U2SURP: variants seen among roughly 807,000 people sequenced by gnomAD.
U2SURP encodes U2 snRNP associated SURP domain containing, also known as U2 snRNP-associated SURP motif-containing protein.
U2SURP carries 9 observed loss-of-function variants against 144.9 expected under a neutral mutation model. The ratio of observed to expected loss-of-function variants is 0.06; its 90% CI spans 0.04 to 0.11. The LOEUF (loss-of-function observed/expected upper bound fraction) is 0.11, where lower values mean the gene tolerates loss of function less well. Ranked by LOEUF, U2SURP falls within the 10% of genes least tolerant of loss-of-function variation. U2SURP has a pLI of 1.00. For missense variants in U2SURP, 724 were observed against 1,226.7 expected (o/e 0.59, Z 6.12); for synonymous variants, 408 against 396.8 (o/e 1.03, Z -0.33).
chr3:143,050,176 C>G (rs577382984), intron 24 of U2SURP, among the ~76,000 whole-genome samples: 1 of 152,164 alleles, frequency 6.6e-6, no homozygotes, highest in Non-Finnish European at 1.5e-5. Flanking sequence ...CGGGTTCAAG[C>G]GATTCTCCTG....
At chr3:143,016,777 TTAAA>T in intron 5 of U2SURP, 61 bp from the exon 6 acceptor site, 1 of 1,372,358 alleles carries the variant, frequency 7.3e-7, no homozygotes, top group Non-Finnish European at 9.6e-7. Context: ...TTACTTGTTT[TTAAA>T]TAAAACAGTA....
At chr3:143,046,286 GTTTAT>G (rs1331652813) in intron 24 of U2SURP, among the ~76,000 whole-genome samples, 3 of 72,506 alleles carry the variant, frequency 4.1e-5, no homozygotes, top group Non-Finnish European at 7.4e-5. Flanking sequence ...TTTTTTTTTA[GTTTAT>G]TTTTTATTTT....
chr3:143,018,468 G>A (rs1411003134), intron 6 of U2SURP, among the ~76,000 whole-genome samples: 1 of 151,964 alleles, frequency 6.6e-6, no homozygotes. Context: ...CATTTGGATT[G>A]TTTCCACTTT....
chr3:143,036,572 T>A (rs1246510351), intron 20 of U2SURP, among the ~76,000 whole-genome samples: 4 of 152,220 alleles, frequency 2.6e-5, no homozygotes, highest in Non-Finnish European at 4.4e-5. Flanking sequence ...CAAGCTATTA[T>A]GTTTTCACTT....
At chr3:143,027,100 T>TA in intron 13 of U2SURP, 49 bp from the exon 14 acceptor site, 1 of 1,370,398 alleles carries the variant, frequency 7.3e-7, no homozygotes, top group South Asian at 1.2e-5. Context: ...TGTAGTTTTA[T>TA]ATAGTGGTAG....
At position 143,038,929 on chromosome 3, in the gene U2SURP, C is replaced by T; in HGVS notation, c.2353C>T (p.His785Tyr). 1 of 1,543,264 alleles carries T rather than the reference C, an allele frequency of 6.5e-7. No individual in the cohort carries two copies. The highest frequency in any genetic ancestry group is 8.7e-7 in the Non-Finnish European group (1 of 1,146,862). The part of the protein sequence containing the change: ...TTSKWELFDQ[H>Y]EESEEEENQN... ...TTCTAAATGGGAATTATTTGACCAG[C>T]ATGAAGAATCAGAAGAAGAAGAAAA... The change falls in exon 23 of 28, where the codon CAT (histidine) becomes TAT (tyrosine). Residue 785 changes from histidine (H) to tyrosine (Y), a missense_variant. His to Tyr is a moderately conservative substitution (Grantham distance 83, BLOSUM62 2). This residue lies in a region of U2SURP where 50 missense variants were observed against 48.0 expected (regional missense o/e 1.04). Coordinates refer to ENST00000473835, the MANE Select transcript of U2SURP (RefSeq NM_001080415.2).
chr3:143,037,024 C>T (rs890376306), intron 20 of U2SURP, 155 bp from the exon 21 acceptor site: 4 of 711,996 alleles, frequency 5.6e-6, no homozygotes, highest in Admixed American at 6.1e-5. Context: ...CTGACTGCTT[C>T]TTTAGCAAAC....
intron 24 of U2SURP, among the ~76,000 whole-genome samples, chr3:143,045,789 A>G (rs1422087535): frequency 6.6e-6 from 1 of 152,224 alleles, no homozygotes; most frequent in Non-Finnish European, 1.5e-5. Context: ...ACCATGAACT[A>G]AGTCCTGATT....
At chr3:143,020,174 A>G (rs1936563891) in intron 7 of U2SURP, 138 bp downstream of exon 7, 1 of 545,668 alleles carries the variant, frequency 1.8e-6, no homozygotes, top group Non-Finnish European at 3.0e-6. Flanking sequence ...ATATTATAAT[A>G]TTTGGTGGGC....
chr3:143,041,003 T>C (rs1177939520), intron 23 of U2SURP, among the ~76,000 whole-genome samples: 2 of 151,850 alleles, frequency 1.3e-5, no homozygotes, highest in East Asian at 3.8e-4. Flanking sequence ...TATTCATCTA[T>C]GATTGAAAGC....
chr3:143,018,763 T>C (rs1361999151), intron 6 of U2SURP, among the ~76,000 whole-genome samples: 1 of 152,090 alleles, frequency 6.6e-6, no homozygotes, highest in Non-Finnish European at 1.5e-5. Flanking sequence ...CCGTCTCTAC[T>C]AAAAATACAA....
chr3:143,050,798 G>C, intron 24 of U2SURP, 141 bp from the exon 25 acceptor site: 1 of 554,000 alleles, frequency 1.8e-6, no homozygotes, highest in Non-Finnish European at 3.2e-6. Flanking sequence ...AGTTGGACTT[G>C]TCTGACAAGT....
At chr3:143,050,752 A>C (rs560352196) in intron 24 of U2SURP, among the ~76,000 whole-genome samples, 187 bp from the exon 25 acceptor site, 1 of 152,208 alleles carries the variant, frequency 6.6e-6, no homozygotes, top group Non-Finnish European at 1.5e-5. Flanking sequence ...TCTCATGACC[A>C]GAGAGGGTTC....
At chr3:143,019,161 G>A (rs868710607) in intron 6 of U2SURP, among the ~76,000 whole-genome samples, 12 of 152,220 alleles carry the variant, frequency 7.9e-5, no homozygotes, top group Middle Eastern at 3.4e-3. Context: ...AATCGTAAGA[G>A]TATTTTACAT....
chr3:143,003,677 CTTTTTTTTTTT>C (rs60505715), intron 1 of U2SURP, among the ~76,000 whole-genome samples: 8 of 101,506 alleles, frequency 7.9e-5, no homozygotes, highest in African/African-American at 2.1e-4. Context: ...TATTTTATTT[CTTTTTTTTTTT>C]TTTTTTTTTT....
intron 2 of U2SURP, 30 bp from the exon 3 acceptor site, chr3:143,012,191 GT>G: frequency 1.9e-6 from 3 of 1,601,504 alleles, no homozygotes; most frequent in Non-Finnish European, 2.6e-6. Flanking sequence ...TGTGTGGTTT[GT>G]TTTTTTCTCT....
At chr3:143,005,471 A>G (rs1458140665) in intron 1 of U2SURP, among the ~76,000 whole-genome samples, 3 of 152,202 alleles carry the variant, frequency 2.0e-5, no homozygotes, top group Admixed American at 2.0e-4. Context: ...AATCTTTATT[A>G]TGGTTTATGG....
At chr3:143,035,640 T>C (rs1393363401) in intron 19 of U2SURP, among the ~76,000 whole-genome samples, 41 of 152,326 alleles carry the variant, frequency 2.7e-4, no homozygotes. Flanking sequence ...AAAACTTGGC[T>C]ACTTTGGTTT....
chr3:143,048,447 C>T (rs1578170021), intron 24 of U2SURP, among the ~76,000 whole-genome samples: 1 of 152,190 alleles, frequency 6.6e-6, no homozygotes, highest in Admixed American at 6.5e-5. Flanking sequence ...CTTCACACAG[C>T]GATGAACTTA....
Sources: allele counts gnomAD v4.1 joint callset (sites outside exome capture counted in the v4.1 genomes callset), GRCh38; gene constraint gnomAD v4.1.1; regional missense constraint gnomAD v4.1.1; transcripts MANE v1.5; gene names NCBI Gene and HGNC (gene_info 2026-07-23, HGNC 2026-07-21).